BRAT1: variants seen among roughly 807,000 people sequenced by gnomAD.
BRAT1 encodes the protein integrator complex assembly factor BRAT1.
BRAT1 carries 74 observed loss-of-function variants against 70.6 expected under a neutral mutation model. That is an observed-to-expected ratio of 1.05 (90% CI 0.87 to 1.27). BRAT1 has a LOEUF of 1.27. Among genes scored for constraint, BRAT1 ranks in the 50% most tolerant of loss-of-function variants. The pLI is 0.00. For missense variants in BRAT1, 1,203 were observed against 1,098.2 expected, an observed-to-expected ratio of 1.10 and a Z score of -1.35; for synonymous variants, 615 against 517.1, an observed-to-expected ratio of 1.19 and a Z score of -2.57.
Position 2,550,484 on chromosome 7 carries a change from A to C in BRAT1, c.128-3006T>G, listed in dbSNP as rs1284890416. Among the ~76,000 whole-genome samples the C allele has an allele frequency of 4.3e-3, 631 of 146,454 alleles. 6 individuals are homozygous for C. The highest frequency in any genetic ancestry group is 0.014 in the African/African-American group (525 of 38,316). On this transcript the variant is annotated intron_variant, in intron 2 of 13. Transcript: ENST00000340611. ...CTCCATCTCAAAAAAAAAAAAACAAAAAAAAAAAAAGAAAGAAAAGAAAAA... is the reference window on the plus strand; with the variant it reads ...CTCCATCTCAAAAAAAAAAAAACAACAAAAAAAAAAGAAAGAAAAGAAAAA...
Position 2,543,200 on chromosome 7 carries a change from A to AT in BRAT1, c.923+3dup, listed in dbSNP as rs1583308555. The AT allele has an allele frequency of 1.2e-5, 20 of 1,601,098 alleles. No individual in the cohort carries two copies. The highest frequency in any genetic ancestry group is 1.7e-5 in the Non-Finnish European group (20 of 1,174,174). ...CTCGGAATGAAATGCACCCCAGACC[A>AT]TACCAGTGCTCGAGCTTCAGGATCC... is the stretch of plus-strand genomic sequence containing the variant. On this transcript the variant is annotated splice_donor_region_variant and intron_variant, in intron 6 of 13. Coordinates refer to ENST00000340611, the MANE Select transcript of BRAT1 (RefSeq NM_152743.4). This position sits in a 1 kb window ranked among gnomAD's most constrained non-coding sequence, Gnocchi z 5.5.
At chr7:2,544,338 G>A (rs1456635587) in intron 4 of BRAT1, 1 of 185,156 alleles carries the variant, frequency 5.4e-6, no homozygotes, top group African/African-American at 2.4e-5. Context: ...AAGTAGCTGG[G>A]ATTACAGGCA....
chr7:2,538,753 CAGGAACAGGCTCTG>C lies in BRAT1; in HGVS notation c.1771-3_1781del, dbSNP rs750833043. On this transcript the variant is annotated splice_acceptor_variant and splice_polypyrimidine_tract_variant and coding_sequence_variant and intron_variant, in exon 14 of 14. Coordinates refer to ENST00000340611, the MANE Select transcript of BRAT1 (RefSeq NM_152743.4). LOFTEE classifies it high-confidence loss of function. ...CTACGGAGAGGATGTGCAGGAGCTC[CAGGAACAGGCTCTG>C]GGGGACAGGGAGCAAGTGCGGATGG... 3 of 1,598,336 alleles carry C rather than the reference CAGGAACAGGCTCTG, an allele frequency of 1.9e-6. No homozygotes were observed. The highest frequency in any genetic ancestry group is 2.5e-6 in the Non-Finnish European group (3 of 1,179,856).
rs562072856 is a variant in BRAT1 at position 2,547,604 on chromosome 7, T to G, written c.128-126A>C. ...AGGGTGTTAGATTTAGGGATCCAAC[T>G]GGGAAAAAAATATCTGCAACAAATA... On this transcript the variant is annotated intron_variant, in intron 2 of 13. Coordinates refer to ENST00000340611, the MANE Select transcript of BRAT1 (RefSeq NM_152743.4). 3.9e-6 allele frequency: 4 copies of G among 1,016,806 alleles called. No homozygotes were observed. In the South Asian group the frequency reaches 6.8e-5, roughly 17 times the overall value. 63.0% of individuals were successfully genotyped at this position (1,016,806 alleles called of 1,614,324 possible). A position where few individuals can be genotyped will look rare whatever the true frequency, so the allele number is the denominator to read the frequency against.
At chr7:2,538,798 G>A in intron 13 of BRAT1, 34 bp from the exon 14 acceptor site, 1 of 1,596,318 alleles carries the variant, frequency 6.3e-7, no homozygotes, top group Non-Finnish European at 8.5e-7. Flanking sequence ...GATGGTTGGT[G>A]GGGTGGCAGG....
chr7:2,539,672 C>G (rs1202415631), intron 11 of BRAT1, 30 bp from the exon 12 acceptor site: 9 of 1,567,432 alleles, frequency 5.7e-6, no homozygotes, highest in African/African-American at 2.7e-5. Flanking sequence ...GTCAGGGTGA[C>G]CTTGGGGCCA....
Position 2,554,172 on chromosome 7 carries a change from A to C in BRAT1, c.127+133T>G, listed in dbSNP as rs1780240093. On this transcript the variant is annotated intron_variant, in intron 2 of 13. Transcript: ENST00000340611. Reference sequence around the variant, plus strand: ...TGCCACAGATAATCCTTAGGAAGTGAAGGAAAGACATCTGATTGGCAGTTT... The same window carrying C: ...TGCCACAGATAATCCTTAGGAAGTGCAGGAAAGACATCTGATTGGCAGTTT... The C allele has an allele frequency of 3.2e-6, 4 of 1,249,188 alleles. No homozygotes were observed. In the African/African-American group the frequency reaches 4.5e-5, roughly 14 times the overall value. 77.4% of individuals were successfully genotyped at this position (1,249,188 alleles called of 1,614,324 possible). A position where few individuals can be genotyped will look rare whatever the true frequency, so the allele number is the denominator to read the frequency against.
Position 2,542,223 on chromosome 7 carries a change from C to T in BRAT1, c.924-12G>A, listed in dbSNP as rs1554295199. 1.5e-5 allele frequency: 23 copies of T among 1,553,220 alleles called. No individual in the cohort carries two copies. The highest frequency in any genetic ancestry group is 1.7e-4 in the Middle Eastern group (1 of 5,988). Reference sequence around the variant, plus strand: ...TCAGTGCCTGTGGACTGGAGACAAACGCGAGGTGAGTGCCGCGACCCTGGC... The same window carrying T: ...TCAGTGCCTGTGGACTGGAGACAAATGCGAGGTGAGTGCCGCGACCCTGGC... On this transcript the variant is annotated splice_polypyrimidine_tract_variant and intron_variant, in intron 6 of 13. Transcript: ENST00000340611.
intron 7 of BRAT1, 98 bp from the exon 8 acceptor site, chr7:2,541,934 C>T (rs894874361): frequency 7.3e-6 from 10 of 1,374,308 alleles, no homozygotes; most frequent in Admixed American, 1.9e-5. Context: ...CAGGCCAGGA[C>T]CTAGGTGCAG....
rs1173257338 is a variant in BRAT1, at chr7:2,539,318, G to C, written c.1631C>G (p.Ser544Ter). The change falls in exon 13 of 14, where the codon TCA becomes TGA. Residue 544 changes from serine (S) to a stop codon, truncating the protein, a stop_gained. Coordinates refer to ENST00000340611, the MANE Select transcript of BRAT1 (RefSeq NM_152743.4). LOFTEE classifies it high-confidence loss of function. ...QADFRCALLA[S>*]EVPQLALQLL... ...CTGCAGGGCCAGCTGAGGCACCTCT[G>C]AAGCCAAGAGTGCGCATCTGAAGTC... is the stretch of plus-strand genomic sequence containing the variant. The C allele has an allele frequency of 6.2e-7, 1 of 1,611,634 alleles. No individual in the cohort carries two copies. The highest frequency in any genetic ancestry group is 1.3e-5 in the African/African-American group (1 of 75,008).
At position 2,544,901 on chromosome 7, in the gene BRAT1, G is replaced by A. The variant is rs1415558196; in HGVS notation, c.430+8C>T. ...ATGAGGAATGGGGTGGGGTGTGGGCGCACTCACCATGGTCGGCCAGGAAGC... is the reference window on the plus strand; with the variant it reads ...ATGAGGAATGGGGTGGGGTGTGGGCACACTCACCATGGTCGGCCAGGAAGC... On this transcript the variant is annotated splice_region_variant and intron_variant, in intron 4 of 13. Coordinates refer to ENST00000340611, the MANE Select transcript of BRAT1 (RefSeq NM_152743.4). 1.9e-5 allele frequency: 30 copies of A among 1,548,806 alleles called. No individual in the cohort carries two copies. Among genetic ancestry groups the A allele is most frequent in the South Asian group, 8.3e-5 (7 of 83,948 alleles).
rs781062954 is a variant in BRAT1 at position 2,541,353 on chromosome 7, G to A, written c.1266C>T (p.Cys422=). 44 of 1,605,576 alleles carry A rather than the reference G, an allele frequency of 2.7e-5. 1 individual carries two copies. Among genetic ancestry groups the A allele is most frequent in the South Asian group, 9.9e-5 (9 of 90,942 alleles). Reference sequence around the variant, plus strand: ...CGAGGGCTGCTCGCTGGACCCGGACGCAGCCCGCCAGGGTCCCACAGAGGT... The same window carrying A: ...CGAGGGCTGCTCGCTGGACCCGGACACAGCCCGCCAGGGTCCCACAGAGGT... ...GGHLCGTLAG[C]VRVQRAALDF... is the part of the protein sequence containing the mutation. The change falls in exon 9 of 14, where the codon TGC becomes TGT. Residue 422 remains cysteine, a synonymous_variant. Transcript: ENST00000340611.
In BRAT1 at chr7:2,542,132, G is replaced by A. The variant is rs1779221336; in HGVS notation, c.1003C>T (p.Pro335Ser). The A allele has an allele frequency of 6.4e-7, 1 of 1,556,644 alleles. No homozygotes were observed. The highest frequency in any genetic ancestry group is 8.7e-7 in the Non-Finnish European group (1 of 1,151,910). ...ACVLKATVQA[P>S]GPPGLLDGTA... The stretch of plus-strand genomic sequence containing the variant: ...CTAAGCAGCACACCTGGGGGTCCGG[G>A]GGCCTGAACCGTGGCCTTCAGGACA... Residue 335 changes from proline (P) to serine (S), a missense_variant, in exon 7 of 14, where the codon CCC becomes TCC. Physicochemically the swap from Pro to Ser is moderately conservative, Grantham distance 74. Coordinates refer to ENST00000340611, the MANE Select transcript of BRAT1 (RefSeq NM_152743.4).
At position 2,538,042 on chromosome 7, in the gene BRAT1, A is replaced by G; in HGVS notation, c.*27T>C. 1 of 1,522,256 alleles carries G rather than the reference A, an allele frequency of 6.6e-7. No individual in the cohort carries two copies. Among genetic ancestry groups the G allele is most frequent in the Non-Finnish European group, 8.8e-7 (1 of 1,132,478 alleles). The allele number at this position is 1,522,256 out of a possible 1,614,324, so 94.3% of individuals were successfully genotyped here. Reference sequence around the variant, plus strand: ...CATGGTGCTGCCTCCCTTGGTCCTGAGCCCCAGTGGCAGACTCTGGTTCTG... The same window carrying G: ...CATGGTGCTGCCTCCCTTGGTCCTGGGCCCCAGTGGCAGACTCTGGTTCTG... On this transcript the variant is annotated 3_prime_UTR_variant, in exon 14 of 14. Coordinates refer to ENST00000340611, the MANE Select transcript of BRAT1 (RefSeq NM_152743.4).
intron 10 of BRAT1, 192 bp downstream of exon 10, chr7:2,540,787 A>C: frequency 1.9e-6 from 1 of 525,254 alleles, no homozygotes; most frequent in South Asian, 3.8e-5. Context: ...GTGCTGATGT[A>C]TCTTCACCAA....
intron 1 of BRAT1, 75 bp from the exon 2 acceptor site, chr7:2,554,522 A>G: frequency 1.3e-6 from 2 of 1,483,242 alleles, no homozygotes; most frequent in Non-Finnish European, 1.8e-6. Context: ...GCAGCCCACC[A>G]TGCCTGCTCA....
In BRAT1 at chr7:2,539,222, C is replaced by G. The variant is rs150846882; in HGVS notation, c.1727G>C (p.Gly576Ala). The G allele has an allele frequency of 6.2e-5, 100 of 1,610,618 alleles. No individual in the cohort carries two copies. In the African/African-American group the frequency reaches 1.1e-3, roughly 18 times the overall value. The stretch of plus-strand genomic sequence containing the variant: ...CTCAGGGCTGGTGGGGGCGTGCAGG[C>G]CCTGGCTGGACAGCTGCCCCATGGC... Reference protein sequence around the residue: ...VTAMGQLSSQGLHAPTSPEHA... With the variant: ...VTAMGQLSSQALHAPTSPEHA... Residue 576 changes from glycine (G) to alanine (A), a missense_variant, in exon 13 of 14, where the codon GGC (glycine) becomes GCC (alanine). Coordinates refer to ENST00000340611, the MANE Select transcript of BRAT1 (RefSeq NM_152743.4).
At chr7:2,553,480 G>A (rs1228093786) in intron 2 of BRAT1, among the ~76,000 whole-genome samples, 1 of 152,084 alleles carries the variant, frequency 6.6e-6, no homozygotes, top group East Asian at 1.9e-4. Flanking sequence ...ATGATAGCAA[G>A]AGAGAAAGCA....
chr7:2,553,785 A>G (rs987247145), intron 2 of BRAT1, among the ~76,000 whole-genome samples: 12 of 151,268 alleles, frequency 7.9e-5, no homozygotes, highest in African/African-American at 2.4e-4. Flanking sequence ...CTGGGACTAC[A>G]GGTGCGCCAC....
Sources: allele counts gnomAD v4.1 joint callset (sites outside exome capture counted in the v4.1 genomes callset), GRCh38; gene constraint gnomAD v4.1.1; non-coding constraint Gnocchi (gnomAD v3.1); transcripts MANE v1.5; gene names NCBI Gene and HGNC (gene_info 2026-07-23, HGNC 2026-07-21).